PLXNB3: variants seen among roughly 807,000 people sequenced by gnomAD.
PLXNB3 encodes the protein plexin B3.
In PLXNB3, 80 loss-of-function variants were observed where a neutral mutation model predicts 125.7. The ratio of observed to expected loss-of-function variants is 0.64; its 90% CI spans 0.53 to 0.77. PLXNB3 has a LOEUF of 0.77. PLXNB3 is among the 30% of genes least tolerant of loss of function. The probability of loss-of-function intolerance (pLI) is 0.00; values close to 1 mark genes in which losing one functional copy is unlikely to be tolerated. For synonymous variants in PLXNB3, 954 were observed against 783.3 expected (o/e 1.22, Z -3.64); for missense variants, 1,836 against 1,729.3 (o/e 1.06, Z -1.09).
chrX:153,769,521 C>T (rs1557060767), intron 6 of PLXNB3, among the ~76,000 whole-genome samples: 2 of 112,758 alleles, frequency 1.8e-5, no homozygotes, highest in Non-Finnish European at 3.8e-5. Context: ...CACAGCTGTC[C>T]TCCAGCCGGT....
intron 32 of PLXNB3, 30 bp downstream of exon 32, chrX:153,778,125 CA>C: frequency 8.3e-7 from 1 of 1,210,370 alleles, no homozygotes; most frequent in South Asian, 1.8e-5. Flanking sequence ...CAGCAGCTGG[CA>C]GGGGCTTGAG....
At position 153,779,007 on chromosome X, in the gene PLXNB3, G is replaced by A. The variant is rs782673164; in HGVS notation, c.5698G>A (p.Ala1900Thr). ...QLACRLQQVA[A>T]LVENKVTDL Reference sequence around the variant, plus strand: ...GGCCTGCCGCCTGCAGCAGGTCGCCGCCCTGGTGGAAAACAAAGTGACTGA... The same window carrying A: ...GGCCTGCCGCCTGCAGCAGGTCGCCACCCTGGTGGAAAACAAAGTGACTGA... Residue 1900 changes from alanine (A) to threonine (T), a missense_variant, in exon 36 of 36, where the codon GCC (alanine) becomes ACC (threonine). By Grantham distance (58) the Ala-to-Thr change is moderately conservative (BLOSUM62 0). Coordinates refer to ENST00000361971, the MANE Select transcript of PLXNB3 (RefSeq NM_005393.3). The A allele has an allele frequency of 1.8e-5, 22 of 1,194,560 alleles. No individual in the cohort carries two copies. The highest frequency in any genetic ancestry group is 2.4e-5 in the Non-Finnish European group (21 of 887,406).
chrX:153,776,509 C>A, intron 28 of PLXNB3, 50 bp downstream of exon 28: 1 of 244,006 alleles, frequency 4.1e-6, no homozygotes, highest in Non-Finnish European at 6.9e-6. Flanking sequence ...CGGGGCAGGG[C>A]GAGGCAGGGC....
chrX:153,776,722 G>A (rs2091998795), intron 28 of PLXNB3, among the ~76,000 whole-genome samples, 165 bp from the exon 29 acceptor site: 1 of 62,562 alleles, frequency 1.6e-5, no homozygotes, highest in South Asian at 1.2e-3. Flanking sequence ...TGGGGGGCGG[G>A]GCGGGGCGAG....
At chrX:153,765,376 G>A (rs2091845781) in intron 1 of PLXNB3, 95 bp from the exon 2 acceptor site, 9 of 632,160 alleles carry the variant, frequency 1.4e-5, no homozygotes, top group East Asian at 3.6e-5. Flanking sequence ...GAGGGAGCCC[G>A]GTCGCTAGGC....
chrX:153,773,738 A>G, intron 19 of PLXNB3, 25 bp downstream of exon 19: 1 of 1,171,615 alleles, frequency 8.5e-7, no homozygotes, highest in South Asian at 1.9e-5. Flanking sequence ...AGCAGGCGAC[A>G]AGGCTGTCCC....
intron 3 of PLXNB3, 100 bp from the exon 4 acceptor site, chrX:153,768,149 C>A (rs1432860020): frequency 1.1e-5 from 10 of 944,699 alleles, no homozygotes; most frequent in Non-Finnish European, 1.5e-5. Context: ...TGGGGTCATC[C>A]CAGGGTGCCT....
rs1341410243 is a variant in PLXNB3 at position 153,775,052 on chromosome X, G to A, written c.4104G>A (p.Gln1368=). 8.3e-7 allele frequency: 1 copy of A among 1,208,775 alleles called. No individual in the cohort carries two copies. The highest frequency in any genetic ancestry group is 1.1e-6 in the Non-Finnish European group (1 of 894,412). ...GEDGHCATVR[Q]GLTQLSNLLN... is the part of the protein sequence containing the mutation. ...ACGGCCACTGTGCCACTGTGCGCCAGGGCCTCACGCAGCTCTCCAACCTGC... is the reference window on the plus strand; with the variant it reads ...ACGGCCACTGTGCCACTGTGCGCCAAGGCCTCACGCAGCTCTCCAACCTGC... The change falls in exon 24 of 36, where the codon CAG becomes CAA. Residue 1368 remains glutamine, a synonymous_variant. Transcript: ENST00000361971.
rs1557062227 is a variant in PLXNB3 at position 153,772,174 on chromosome X, C to T, written c.2670-8C>T. ...GCCCTGAGCAGCTCCCAGGCCTCGG[C>T]TTTCCAGGATTGTGTGTGTGACATC... is the stretch of plus-strand genomic sequence containing the variant. On this transcript the variant is annotated splice_polypyrimidine_tract_variant and splice_region_variant and intron_variant, in intron 15 of 35. Transcript: ENST00000361971. 2 of 1,096,470 alleles carry T rather than the reference C, an allele frequency of 1.8e-6. No homozygotes were observed. The highest frequency in any genetic ancestry group is 2.2e-5 in the African/African-American group (1 of 46,177). 90.4% of individuals were successfully genotyped at this position (1,096,470 alleles called of 1,213,427 possible).
At position 153,774,308 on chromosome X, in the gene PLXNB3, G is replaced by A. The variant is rs782311144; in HGVS notation, c.3642G>A (p.Pro1214=). The A allele has an allele frequency of 1.6e-5, 19 of 1,162,317 alleles. No individual in the cohort carries two copies. Among genetic ancestry groups the A allele is most frequent in the Middle Eastern group, 2.3e-4 (1 of 4,267 alleles). ...HLYCEPPAHA[P]QPANGSGLPQ... is the part of the protein sequence containing the mutation. Reference sequence around the variant, plus strand: ...ACTGCGAGCCGCCTGCGCACGCCCCGCAGCCTGCCAATGGCTCCGGCCTGC... The same window carrying A: ...ACTGCGAGCCGCCTGCGCACGCCCCACAGCCTGCCAATGGCTCCGGCCTGC... The change falls in exon 21 of 36, where the codon CCG becomes CCA. Residue 1214 remains proline, a synonymous_variant. Coordinates refer to ENST00000361971, the MANE Select transcript of PLXNB3 (RefSeq NM_005393.3).
intron 15 of PLXNB3, 59 bp from the exon 16 acceptor site, chrX:153,772,123 G>GGGTGGAAAAGGTGCGCTCGGTAGCAGCT (rs370958466): frequency 8.8e-7 from 1 of 1,138,429 alleles, no homozygotes; most frequent in Non-Finnish European, 1.2e-6. Flanking sequence ...GTCAGGGGAG[G>GGGTGGAAAAGGTGCGCTCGGTAGCAGCT]GGTGGGCTGT....
chrX:153,776,232 G>GGCCCCCCCCCCCCCCCCC lies in PLXNB3; in HGVS notation c.4729+18_4729+19insGCCCCCCCCCCCCCCCCC. The GGCCCCCCCCCCCCCCCCC allele has an allele frequency of 9.0e-7, 1 of 1,106,164 alleles. No individual in the cohort carries two copies. The highest frequency in any genetic ancestry group is 1.2e-6 in the Non-Finnish European group (1 of 825,161). The allele number at this position is 1,106,164 out of a possible 1,213,427, so 91.2% of individuals were successfully genotyped here. On this transcript the variant is annotated intron_variant, in intron 27 of 35. Transcript: ENST00000361971. ...AGACCTTGGTGAGAGAGCCAGCCCTGCCCACCCACCCCAGGGACCCTTCCC... is the reference window on the plus strand; with the variant it reads ...AGACCTTGGTGAGAGAGCCAGCCCTGGCCCCCCCCCCCCCCCCCCCCACCCACCCCAGGGACCCTTCCC...
Position 153,774,279 on chromosome X carries a change from C to G in PLXNB3, c.3613C>G (p.Leu1205Val), listed in dbSNP as rs1335523852. 5 of 1,173,640 alleles carry G rather than the reference C, an allele frequency of 4.3e-6. No homozygotes were observed. The highest frequency in any genetic ancestry group is 5.7e-6 in the Non-Finnish European group (5 of 880,610). ...GGTGAAGACGCTCACGCGCACCCAC[C>G]TGTACTGCGAGCCGCCTGCGCACGC... The part of the protein sequence containing the change: ...CLVKTLTRTH[L>V]YCEPPAHAPQ... The change falls in exon 21 of 36, where the codon CTG (leucine) becomes GTG (valine). Residue 1205 changes from leucine to valine, a missense_variant. By Grantham distance (32) the Leu-to-Val change is conservative. Transcript: ENST00000361971.
chrX:153,771,214 G>A, intron 12 of PLXNB3, 96 bp from the exon 13 acceptor site: 1 of 937,746 alleles, frequency 1.1e-6, no homozygotes, highest in Non-Finnish European at 1.5e-6. Flanking sequence ...GAGAGGCAGG[G>A]AACAATCACA....
chrX:153,766,128 G>T, intron 2 of PLXNB3: 4 of 1,092,454 alleles, frequency 3.7e-6, no homozygotes, highest in Non-Finnish European at 4.8e-6. Flanking sequence ...TGAAGCCTGT[G>T]TTGTCTCTTG....
At position 153,774,900 on chromosome X, in the gene PLXNB3, G is replaced by A. The variant is rs1557063465; in HGVS notation, c.3952G>A (p.Asp1318Asn). 8.4e-7 allele frequency: 1 copy of A among 1,192,983 alleles called. No individual in the cohort carries two copies. The highest frequency in any genetic ancestry group is 1.1e-6 in the Non-Finnish European group (1 of 884,728). ...CGCAGACCTCATGACGGAGATGACC[G>A]ACCTCAGCAGCGACCTGGAGGGCAG... Reference protein sequence around the residue: ...EFTDLMTEMTDLSSDLEGSGI... With the variant: ...EFTDLMTEMTNLSSDLEGSGI... Residue 1318 changes from aspartate (D) to asparagine (N), a missense_variant, in exon 24 of 36, where the codon GAC (aspartate) becomes AAC (asparagine). Physicochemically the swap from Asp to Asn is conservative, Grantham distance 23. Coordinates refer to ENST00000361971, the MANE Select transcript of PLXNB3 (RefSeq NM_005393.3).
chrX:153,766,775 C>A, intron 2 of PLXNB3, 98 bp from the exon 3 acceptor site: 1 of 1,093,718 alleles, frequency 9.1e-7, no homozygotes, highest in Non-Finnish European at 1.2e-6. Flanking sequence ...CCCTCCCTGG[C>A]CCTGAGCACC....
In PLXNB3 at chrX:153,773,851, C is replaced by T; in HGVS notation, c.3280-8C>T. ...CTCCACCTGTGGTCGGCCCTGAATG[C>T]CCCACAGTGCTCCACCGTCTGCTCC... On this transcript the variant is annotated splice_region_variant and splice_polypyrimidine_tract_variant and intron_variant, in intron 19 of 35. Coordinates refer to ENST00000361971, the MANE Select transcript of PLXNB3 (RefSeq NM_005393.3). 8.3e-7 allele frequency: 1 copy of T among 1,210,792 alleles called. No individual in the cohort carries two copies. Among genetic ancestry groups the T allele is most frequent in the Non-Finnish European group, 1.1e-6 (1 of 895,338 alleles).
rs782715560 is a variant in PLXNB3 at position 153,774,176 on chromosome X, T to C, written c.3520-10T>C. 2 of 1,204,261 alleles carry C rather than the reference T, an allele frequency of 1.7e-6. No individual in the cohort carries two copies. Among genetic ancestry groups the C allele is most frequent in the Non-Finnish European group, 2.2e-6 (2 of 894,569 alleles). ...GGGGCCAGCGGCTTAGGCTCCCATG[T>C]GTGTCCCAGGGCGAGGGCCTCAACC... On this transcript the variant is annotated splice_polypyrimidine_tract_variant and intron_variant, in intron 20 of 35. Transcript: ENST00000361971.
Sources: gnomAD v4.1 joint callset for allele counts (sites outside exome capture counted in the v4.1 genomes callset) on GRCh38, gnomAD v4.1.1 for gene constraint, MANE v1.5 for transcripts, NCBI Gene and HGNC (gene_info 2026-07-23, HGNC 2026-07-21) for gene names.